PCDHAC2: variants seen among roughly 807,000 people sequenced by gnomAD.
The protein encoded by PCDHAC2 is protocadherin alpha-C2.
Under a neutral mutation model 63.3 loss-of-function variants are expected in PCDHAC2, and 24 were observed. The observed-to-expected ratio is 0.38, with a 90% CI of 0.27 to 0.53. PCDHAC2 has a LOEUF of 0.53. Ranked by LOEUF, PCDHAC2 falls within the 20% of genes least tolerant of loss-of-function variation. PCDHAC2 has a pLI of 0.81. For synonymous variants in PCDHAC2, 569 were observed against 529.4 expected (o/e 1.07, Z -1.03); for missense variants, 1,181 against 1,275.2 (o/e 0.93, Z 1.12).
chr5:140,980,834 C>A (rs1424222678), intron 2 of PCDHAC2, among the ~76,000 whole-genome samples: 1 of 151,974 alleles, frequency 6.6e-6, no homozygotes, highest in Non-Finnish European at 1.5e-5. Context: ...AGTTGTGAAC[C>A]TAAATAATAC....
chr5:140,966,710 G>A lies in PCDHAC2; in HGVS notation c.-57G>A. On this transcript the variant is annotated 5_prime_UTR_variant, in exon 1 of 4. Transcript: ENST00000289269. ...AGGCGGGGCCCGGGCGTGGGGCACG[G>A]CTGGGGAAGCTGCCGCCTCCGGCCC... The A allele has an allele frequency of 7.2e-7, 1 of 1,391,664 alleles. No homozygotes were observed. Among genetic ancestry groups the A allele is most frequent in the Non-Finnish European group, 9.3e-7 (1 of 1,079,504 alleles). 86.2% of individuals were successfully genotyped at this position (1,391,664 alleles called of 1,614,324 possible). A position where few individuals can be genotyped will look rare whatever the true frequency, so the allele number is the denominator to read the frequency against.
In PCDHAC2 at chr5:140,968,830, C is replaced by G; in HGVS notation, c.2064C>G (p.Leu688=). 6.2e-7 allele frequency: 1 copy of G among 1,614,198 alleles called. No homozygotes were observed. Among genetic ancestry groups the G allele is most frequent in the Non-Finnish European group, 8.5e-7 (1 of 1,180,042 alleles). Reference sequence around the variant, plus strand: ...TGGTGGATAGGGTTTCCAAAATCCTCCCTGACACTCAGAGGCATGTTAAGA... The same window carrying G: ...TGGTGGATAGGGTTTCCAAAATCCTGCCTGACACTCAGAGGCATGTTAAGA... The part of the protein sequence containing the change: ...VAVVDRVSKI[L]PDTQRHVKSP... The change falls in exon 1 of 4, where the codon CTC becomes CTG. Residue 688 remains leucine, a synonymous_variant. Transcript: ENST00000289269.
intron 1 of PCDHAC2, among the ~76,000 whole-genome samples, chr5:140,970,970 T>C (rs1554232920): frequency 1.3e-5 from 2 of 152,170 alleles, no homozygotes; most frequent in African/African-American, 2.4e-5. Flanking sequence ...GATTGTAGAT[T>C]AAGAAAAATG....
chr5:140,990,822 C>G (rs1273714328), intron 3 of PCDHAC2, among the ~76,000 whole-genome samples: 1 of 152,204 alleles, frequency 6.6e-6, no homozygotes. Flanking sequence ...CTTCTCTCAG[C>G]TAAAGCCTAT....
intron 3 of PCDHAC2, among the ~76,000 whole-genome samples, chr5:141,007,654 C>T (rs1461130528): frequency 6.6e-6 from 1 of 152,052 alleles, no homozygotes; most frequent in Non-Finnish European, 1.5e-5. Context: ...CCTAAAAAAC[C>T]ATAAATTTAC....
At position 140,968,659 on chromosome 5, in the gene PCDHAC2, C is replaced by A. The variant is rs781863651; in HGVS notation, c.1893C>A (p.Asp631Glu). ...FYHLAQTSDL[D>E]LFKVELHTGE... is the part of the protein sequence containing the mutation. The stretch of plus-strand genomic sequence containing the variant: ...ATCTAGCCCAGACTTCTGACCTGGA[C>A]CTCTTTAAGGTAGAGCTGCACACAG... The change falls in exon 1 of 4, where the codon GAC (aspartate) becomes GAA (glutamate). Residue 631 changes from aspartate (D) to glutamate (E), a missense_variant. Asp to Glu is a conservative substitution (Grantham distance 45, BLOSUM62 2). Transcript: ENST00000289269. 3.7e-6 allele frequency: 6 copies of A among 1,614,160 alleles called. No homozygotes were observed. The highest frequency in any genetic ancestry group is 2.2e-5 in the East Asian group (1 of 44,870).
chr5:140,989,509 T>G (rs1554250840), intron 3 of PCDHAC2, among the ~76,000 whole-genome samples: 1 of 152,196 alleles, frequency 6.6e-6, no homozygotes, highest in African/African-American at 2.4e-5. Context: ...GCTTATAACC[T>G]GAGTTGAGGG....
At position 140,967,053 on chromosome 5, in the gene PCDHAC2, G is replaced by A. The variant is rs1563359791; in HGVS notation, c.287G>A (p.Ser96Asn). The change falls in exon 1 of 4, where the codon AGT becomes AAT. Residue 96 changes from serine (S) to asparagine (N), a missense_variant. Ser to Asn is a conservative substitution (Grantham distance 46). Coordinates refer to ENST00000289269, the MANE Select transcript of PCDHAC2 (RefSeq NM_018899.6). ...CGCTACCTGGAGCTGGACCTGACGA[G>A]TGGAGCGCTCTTCGTCAACGAGCGC... ...SPRYLELDLT[S>N]GALFVNERID... 2.5e-6 allele frequency: 4 copies of A among 1,612,648 alleles called. No homozygotes were observed. Among genetic ancestry groups the A allele is most frequent in the Non-Finnish European group, 3.4e-6 (4 of 1,179,668 alleles).
At chr5:140,975,363 G>T (rs1348174294) in intron 1 of PCDHAC2, among the ~76,000 whole-genome samples, 3 of 152,220 alleles carry the variant, frequency 2.0e-5, no homozygotes, top group Non-Finnish European at 2.9e-5. Context: ...GTGCTACATA[G>T]CATAATGTAA....
Position 140,969,112 on chromosome 5 carries a change from A to G in PCDHAC2, c.2346A>G (p.Arg782=), listed in dbSNP as rs781784282. The G allele has an allele frequency of 2.5e-6, 4 of 1,614,022 alleles. No homozygotes were observed. The highest frequency in any genetic ancestry group is 3.3e-5 in the Admixed American group (2 of 60,004). The part of the protein sequence containing the change: ...LKVQPHFIEV[R]GNGSLTKTYC... Reference sequence around the variant, plus strand: ...TGCAGCCTCACTTCATTGAAGTTCGAGGGAATGGCTCCCTCACCAAGACCT... The same window carrying G: ...TGCAGCCTCACTTCATTGAAGTTCGGGGGAATGGCTCCCTCACCAAGACCT... Residue 782 remains arginine, a synonymous_variant, in exon 1 of 4, where the codon CGA becomes CGG. Transcript: ENST00000289269.
At chr5:141,009,295 A>T (rs782350734) in intron 3 of PCDHAC2, among the ~76,000 whole-genome samples, 13 of 152,030 alleles carry the variant, frequency 8.6e-5, no homozygotes, top group Admixed American at 3.9e-4. Context: ...TTTCTATAAA[A>T]TTTTTTTTAA....
At chr5:140,991,205 A>C (rs1403144779) in intron 3 of PCDHAC2, among the ~76,000 whole-genome samples, 3 of 152,226 alleles carry the variant, frequency 2.0e-5, no homozygotes, top group Admixed American at 2.0e-4. Context: ...TGCTCAATAA[A>C]TTTTGTTAAA....
In PCDHAC2 at chr5:140,969,297, T is replaced by C; in HGVS notation, c.2531T>C (p.Ile844Thr). 1.2e-6 allele frequency: 2 copies of C among 1,614,200 alleles called. No individual in the cohort carries two copies. The highest frequency in any genetic ancestry group is 1.7e-6 in the Non-Finnish European group (2 of 1,180,034). ...AGTGGTCAGAATGCTGGGAACCTGATTATTCTCAAAAATGAGGCTGTTTCT... is the reference window on the plus strand; with the variant it reads ...AGTGGTCAGAATGCTGGGAACCTGACTATTCTCAAAAATGAGGCTGTTTCT... ...GQSGQNAGNL[I>T]ILKNEAVSQN... Residue 844 changes from isoleucine (I) to threonine (T), a missense_variant, in exon 1 of 4, where the codon ATT (isoleucine) becomes ACT (threonine). Transcript: ENST00000289269.
intron 3 of PCDHAC2, among the ~76,000 whole-genome samples, chr5:140,994,116 T>C: frequency 6.6e-6 from 1 of 152,196 alleles, no homozygotes; most frequent in East Asian, 1.9e-4. Context: ...CATTGTCATG[T>C]GATAAGGGCG....
chr5:140,972,235 G>A (rs1368131761), intron 1 of PCDHAC2, among the ~76,000 whole-genome samples: 2 of 151,838 alleles, frequency 1.3e-5, no homozygotes, highest in African/African-American at 4.8e-5. Context: ...GACCTTCTGG[G>A]CTCAAGCAAT....
chr5:140,983,270 GGGT>G (rs1349296894), intron 3 of PCDHAC2, among the ~76,000 whole-genome samples: 4 of 152,152 alleles, frequency 2.6e-5, no homozygotes, highest in Non-Finnish European at 2.9e-5. Flanking sequence ...CCTAATGGCT[GGGT>G]GAGTATAGGA....
At chr5:140,969,388 A>C in intron 1 of PCDHAC2, 57 bp downstream of exon 1, 2 of 1,595,066 alleles carry the variant, frequency 1.3e-6, no homozygotes, top group Non-Finnish European at 1.7e-6. Context: ...CACATCCCCC[A>C]ATATCCTGTG....
intron 3 of PCDHAC2, among the ~76,000 whole-genome samples, chr5:140,991,401 T>C (rs1271447254): frequency 6.6e-6 from 1 of 152,218 alleles, no homozygotes; most frequent in Non-Finnish European, 1.5e-5. Context: ...TGTATTTATT[T>C]CCCATTATGC....
intron 2 of PCDHAC2, among the ~76,000 whole-genome samples, chr5:140,981,130 CAA>C (rs1267278229): frequency 6.6e-6 from 1 of 152,186 alleles, no homozygotes; most frequent in East Asian, 1.9e-4. Flanking sequence ...TGTTTGAAGT[CAA>C]AGAGTGAGAA....
Sources: allele counts gnomAD v4.1 joint callset (sites outside exome capture counted in the v4.1 genomes callset), GRCh38; gene constraint gnomAD v4.1.1; transcripts MANE v1.5; gene names NCBI Gene and HGNC (gene_info 2026-07-23, HGNC 2026-07-21).